The following RTTN variants were observed in gnomAD, a reference collection of about 807,000 sequenced individuals.
RTTN encodes rotatin.
Under a neutral mutation model 269.2 loss-of-function variants are expected in RTTN, and 182 were observed. The observed-to-expected ratio is 0.68, with a 90% confidence interval of 0.60 to 0.76. RTTN has a LOEUF of 0.76. RTTN is among the 30% of genes least tolerant of loss of function. The pLI is 0.00. For synonymous variants in RTTN, 1,006 were observed against 963.5 expected, an observed-to-expected ratio of 1.04 and a Z score of -0.82; for missense variants, 2,545 against 2,608.6, an observed-to-expected ratio of 0.98 and a Z score of 0.53.
intron 28 of RTTN, among the ~76,000 whole-genome samples, chr18:70,098,539 C>T (rs983572783): frequency 1.3e-5 from 2 of 151,972 alleles, no homozygotes; most frequent in African/African-American, 4.8e-5. Flanking sequence ...CTTTAATATA[C>T]CTGTTTTTTA....
At chr18:70,107,912 T>C (rs2059364013) in intron 28 of RTTN, among the ~76,000 whole-genome samples, 1 of 152,230 alleles carries the variant, frequency 6.6e-6, no homozygotes, top group Admixed American at 6.5e-5. Context: ...TTTTAAGTTC[T>C]ACAAAAACAT....
chr18:70,199,683 G>T (rs903154302), intron 4 of RTTN, among the ~76,000 whole-genome samples, 179 bp from the exon 5 acceptor site: 1 of 152,184 alleles, frequency 6.6e-6, no homozygotes, highest in Non-Finnish European at 1.5e-5. Context: ...ATAAATAAGA[G>T]AGTTCTCTTT....
rs1491497038 is a variant in RTTN at position 70,176,192 on chromosome 18, TAG to T, written c.1476+481_1476+482del. Among the ~76,000 whole-genome samples, 1,186 of 141,584 alleles carry T rather than the reference TAG, an allele frequency of 8.4e-3. 8 individuals carry two copies. Among genetic ancestry groups the T allele is most frequent in the Non-Finnish European group, 0.013 (873 of 65,894 alleles). The allele number at this position is 141,584 out of a possible 152,430, so 92.9% of individuals were successfully genotyped here. On this transcript the variant is annotated intron_variant, in intron 11 of 48. Transcript: ENST00000640769. ...GTATATGTATATGTATACGTAGATG[TAG>T]ATGTAGATGTATATGTATATGTATA... is the stretch of plus-strand genomic sequence containing the variant.
In RTTN at chr18:70,088,044, C is replaced by T. The variant is rs894067543; in HGVS notation, c.4247G>A (p.Gly1416Glu). Residue 1416 changes from glycine (G) to glutamate (E), a missense_variant, in exon 31 of 49, where the codon GGA becomes GAA. By Grantham distance (98) the Gly-to-Glu change is moderately conservative (BLOSUM62 -2). Coordinates refer to ENST00000640769, the MANE Select transcript of RTTN (RefSeq NM_173630.4). ...SCQNISGGLWGTVVNILLDQS... is the reference protein window; with the variant it reads ...SCQNISGGLWETVVNILLDQS... ...GTCCAGAAGAATGTTCACCACAGTT[C>T]CCCAGAGCCCACCGGAAATGTTCTG... The T allele has an allele frequency of 4.3e-6, 7 of 1,613,880 alleles. No individual in the cohort carries two copies. The highest frequency in any genetic ancestry group is 5.9e-6 in the Non-Finnish European group (7 of 1,179,894).
intron 35 of RTTN, among the ~76,000 whole-genome samples, chr18:70,061,765 T>C (rs975597758): frequency 6.6e-6 from 1 of 152,026 alleles, no homozygotes; most frequent in African/African-American, 2.4e-5. Context: ...GCCCAGGAGG[T>C]GGCAACTGCA....
intron 46 of RTTN, among the ~76,000 whole-genome samples, chr18:70,013,818 A>T (rs1347743621): frequency 3.3e-5 from 5 of 152,142 alleles, no homozygotes; most frequent in African/African-American, 1.2e-4. Flanking sequence ...GTTTTTACCC[A>T]TCATTTCTTC....
intron 16 of RTTN, among the ~76,000 whole-genome samples, chr18:70,149,379 C>T (rs879048975): frequency 6.6e-6 from 1 of 152,030 alleles, no homozygotes; most frequent in Admixed American, 6.6e-5. Context: ...AGATGGAGTG[C>T]TCTAAATGCT....
intron 8 of RTTN, 119 bp downstream of exon 8, chr18:70,193,169 A>T: frequency 1.0e-6 from 1 of 967,494 alleles, no homozygotes; most frequent in Non-Finnish European, 1.5e-6. Context: ...TACCTGTGTT[A>T]ATGTTTCAAA....
chr18:70,107,243 T>C (rs2059344005), intron 28 of RTTN, among the ~76,000 whole-genome samples: 1 of 152,178 alleles, frequency 6.6e-6, no homozygotes, highest in Non-Finnish European at 1.5e-5. Context: ...TAGGAACCAA[T>C]AAGAAACGGG....
intron 34 of RTTN, among the ~76,000 whole-genome samples, chr18:70,066,995 A>C (rs2144977454): frequency 6.6e-6 from 1 of 152,318 alleles, no homozygotes; most frequent in Middle Eastern, 3.4e-3. Flanking sequence ...GATGCCAAGA[A>C]ATAAGTGAGA....
rs34922729 is a variant in RTTN at position 70,205,164 on chromosome 18, C to T, written c.183G>A (p.Lys61=). The T allele has an allele frequency of 1.0e-3, 1,650 of 1,614,192 alleles. 14 individuals are homozygous for T. In the African/African-American group the frequency reaches 0.018, roughly 18 times the overall value. The change falls in exon 2 of 49, where the codon AAG becomes AAA. Residue 61 remains lysine (K), a synonymous_variant. Transcript: ENST00000640769. ...TGCTTAACAGGTTCAGAACCTCTTC[C>T]TTCATCGGAACGGACGGGAAATTGA... is the stretch of plus-strand genomic sequence containing the variant. ...EWFNFPSVPM[K]EEVLNLLSRL...
intron 40 of RTTN, among the ~76,000 whole-genome samples, chr18:70,032,316 C>T (rs2057039093): frequency 6.6e-6 from 1 of 152,200 alleles, no homozygotes; most frequent in Non-Finnish European, 1.5e-5. Context: ...CATACGGTAG[C>T]TCCTGCACTG....
Position 70,151,333 on chromosome 18 carries a change from G to GT in RTTN, c.1930-601dup, listed in dbSNP as rs201520004. 2.9e-3 allele frequency among the ~76,000 whole-genome samples: 440 copies of GT among 150,998 alleles called. 3 individuals carry two copies. The highest frequency in any genetic ancestry group is 0.01 in the Middle Eastern group (3 of 286). ...CAATTACTTTGAACCAACACTTAGA[G>GT]TAACTATCAGGAATTTTTTTCTCAA... is the stretch of plus-strand genomic sequence containing the variant. On this transcript the variant is annotated intron_variant, in intron 14 of 48. Coordinates refer to ENST00000640769, the MANE Select transcript of RTTN (RefSeq NM_173630.4).
intron 27 of RTTN, among the ~76,000 whole-genome samples, chr18:70,110,142 G>A (rs980253026): frequency 6.6e-6 from 1 of 151,948 alleles, no homozygotes; most frequent in African/African-American, 2.4e-5. Context: ...GAGGCAGGAG[G>A]ATCTCTTAAG....
chr18:70,054,431 G>A (rs1235882354), intron 37 of RTTN, 147 bp from the exon 38 acceptor site: 1 of 730,870 alleles, frequency 1.4e-6, no homozygotes, highest in South Asian at 2.3e-5. Flanking sequence ...AGCAGACAAA[G>A]CATTATTTTT....
rs17082039 is a variant in RTTN, at chr18:70,059,843, C to T, written c.4940+7G>A. 8,405 of 1,572,098 alleles carry T rather than the reference C, an allele frequency of 5.3e-3. 433 individuals are homozygous for T. In the African/African-American group the frequency reaches 0.1, roughly 19 times the overall value. ...AACATGCCTCTCTAGGAGTATTTAT[C>T]TCTTACCTACAGAGAAGTTCTATGA... On this transcript the variant is annotated splice_region_variant and intron_variant, in intron 36 of 48. Transcript: ENST00000640769.
At position 70,003,986 on chromosome 18, in the gene RTTN, A is replaced by G. The variant is rs1035822951; in HGVS notation, c.*165T>C. ...ACTTCTGGAGAGCTGCCACAACTGG[A>G]CGGTGTTGGAGTATCACCAGTTCTC... On this transcript the variant is annotated 3_prime_UTR_variant, in exon 49 of 49. Transcript: ENST00000640769. The G allele has an allele frequency of 2.3e-5, 11 of 476,622 alleles. No individual in the cohort carries two copies. The highest frequency in any genetic ancestry group is 2.2e-4 in the Admixed American group (6 of 27,478). 29.5% of individuals were successfully genotyped at this position (476,622 alleles called of 1,614,324 possible). A position where few individuals can be genotyped will look rare whatever the true frequency, so the allele number is the denominator to read the frequency against.
Position 70,075,500 on chromosome 18 carries a change from A to C in RTTN, c.4416T>G (p.Ile1472Met). The C allele has an allele frequency of 6.2e-7, 1 of 1,600,276 alleles. No homozygotes were observed. Among genetic ancestry groups the C allele is most frequent in the Non-Finnish European group, 8.5e-7 (1 of 1,174,632 alleles). Residue 1472 changes from isoleucine to methionine, a missense_variant, in exon 33 of 49, where the codon ATT (isoleucine) becomes ATG (methionine). Coordinates refer to ENST00000640769, the MANE Select transcript of RTTN (RefSeq NM_173630.4). Reference sequence around the variant, plus strand: ...AAAGAGCCTGAAGGGCAGGTTTTCCAATGAGCGATAGGCCAGAGTCCTCAT... The same window carrying C: ...AAAGAGCCTGAAGGGCAGGTTTTCCCATGAGCGATAGGCCAGAGTCCTCAT... ...VHDEDSGLSL[I>M]GKPALQALLY...
At chr18:70,202,130 A>G (rs1050750761) in intron 3 of RTTN, 147 bp from the exon 4 acceptor site, 2 of 555,182 alleles carry the variant, frequency 3.6e-6, no homozygotes. Flanking sequence ...TGAATGATCT[A>G]TCTTGCTAAA....
Sources: gnomAD v4.1 joint callset for allele counts (sites outside exome capture counted in the v4.1 genomes callset) on GRCh38, gnomAD v4.1.1 for gene constraint, MANE v1.5 for transcripts, NCBI Gene and HGNC (gene_info 2026-07-23, HGNC 2026-07-21) for gene names.